LDB2: variants seen among roughly 807,000 people sequenced by gnomAD.
LDB2 encodes the protein LIM domain-binding protein 2.
LDB2 carries 12 observed loss-of-function variants against 44.3 expected under a neutral mutation model. That is an observed-to-expected ratio of 0.27 (90% confidence interval 0.17 to 0.44). LDB2 has a LOEUF of 0.44. LDB2 is among the 20% of genes least tolerant of loss of function. The probability of loss-of-function intolerance (pLI) is 1.00; values close to 1 mark genes in which losing one functional copy is unlikely to be tolerated. For synonymous variants in LDB2, 164 were observed against 174.8 expected (o/e 0.94, Z 0.49); for missense variants, 344 against 473.5 (o/e 0.73, Z 2.54).
intron 1 of LDB2, among the ~76,000 whole-genome samples, chr4:16,884,504 T>C (rs16894158): frequency 0.096 from 14,642 of 152,134 alleles, 2,056 homozygotes; most frequent in African/African-American, 0.31. Flanking sequence ...CTCAGCAGTG[T>C]CAAAATCTTC....
At chr4:16,691,923 C>T (rs1308089218) in intron 2 of LDB2, among the ~76,000 whole-genome samples, 1 of 152,140 alleles carries the variant, frequency 6.6e-6, no homozygotes, top group Non-Finnish European at 1.5e-5. Context: ...ATTTTATTTA[C>T]ATCTTTTCTC....
At chr4:16,681,519 A>G (rs1409627675) in intron 2 of LDB2, among the ~76,000 whole-genome samples, 1 of 152,148 alleles carries the variant, frequency 6.6e-6, no homozygotes, top group Non-Finnish European at 1.5e-5. Context: ...TAGGTGTTAC[A>G]TCAAACCATT....
intron 1 of LDB2, among the ~76,000 whole-genome samples, chr4:16,819,934 T>G (rs1191156561): frequency 1.3e-5 from 2 of 152,242 alleles, no homozygotes; most frequent in Non-Finnish European, 2.9e-5. Flanking sequence ...TTGGTCAGAA[T>G]GTGGGACCAA....
chr4:16,798,299 A>T (rs1400714175), intron 1 of LDB2, among the ~76,000 whole-genome samples: 1 of 152,178 alleles, frequency 6.6e-6, no homozygotes, highest in African/African-American at 2.4e-5. Flanking sequence ...ATAGGGAAAG[A>T]AGTGAGTTCA....
Position 16,734,707 on chromosome 4 carries a change from T to TC in LDB2, c.235+24450_235+24451insG, listed in dbSNP as rs1465967685. Among the ~76,000 whole-genome samples the TC allele has an allele frequency of 9.2e-4, 32 of 34,770 alleles. No homozygotes were observed. The East Asian group carries it at 0.014, about 15-fold the overall frequency. 22.8% of individuals were successfully genotyped at this position (34,770 alleles called of 152,430 possible). ...TGCTTCCCAACTTCTTGTTTTCTTT[T>TC]TTTTTTTTTTTTTTTTTTGAGATGG... On this transcript the variant is annotated intron_variant, in intron 2 of 7. Coordinates refer to ENST00000304523, the MANE Select transcript of LDB2 (RefSeq NM_001290.5).
intron 5 of LDB2, among the ~76,000 whole-genome samples, chr4:16,557,881 C>T (rs1010121518): frequency 2.0e-5 from 3 of 152,200 alleles, no homozygotes; most frequent in Non-Finnish European, 2.9e-5. Flanking sequence ...TCCAGAGGAA[C>T]GATCAGACAG....
chr4:16,652,331 T>C (rs930103658), intron 2 of LDB2, among the ~76,000 whole-genome samples: 2 of 152,202 alleles, frequency 1.3e-5, no homozygotes, highest in Non-Finnish European at 2.9e-5. Context: ...TAAAAAATCT[T>C]GATGAAACAA....
At chr4:16,541,736 C>T (rs1012505681) in intron 5 of LDB2, among the ~76,000 whole-genome samples, 2 of 152,104 alleles carry the variant, frequency 1.3e-5, no homozygotes, top group African/African-American at 4.8e-5. Flanking sequence ...ACAAGGATGA[C>T]CTTAAATCTC....
At chr4:16,746,762 G>A (rs1288612111) in intron 2 of LDB2, among the ~76,000 whole-genome samples, 1 of 152,150 alleles carries the variant, frequency 6.6e-6, no homozygotes, top group Non-Finnish European at 1.5e-5. Context: ...ATGCCAAGCT[G>A]GGCAACAGAG....
In LDB2 at chr4:16,838,570, T is replaced by C. The variant is rs549479091; in HGVS notation, c.132+59784A>G. ...TATTGGGATGTTAGCATGCTTCTTC[T>C]TGTCATGTACTTAAAAAAGGACACC... On this transcript the variant is annotated intron_variant, in intron 1 of 7. Transcript: ENST00000304523. Among the ~76,000 whole-genome samples, 4 of 152,290 alleles carry C rather than the reference T, an allele frequency of 2.6e-5. No individual in the cohort carries two copies. In the East Asian group the frequency reaches 7.7e-4, roughly 29 times the overall value.
intron 2 of LDB2, among the ~76,000 whole-genome samples, chr4:16,719,811 C>T (rs1048637987): frequency 2.0e-5 from 3 of 151,964 alleles, no homozygotes; most frequent in Non-Finnish European, 4.4e-5. Context: ...ATATGACTTG[C>T]CAGTAATTTT....
chr4:16,561,738 C>T (rs1742382278), intron 5 of LDB2, among the ~76,000 whole-genome samples: 2 of 152,082 alleles, frequency 1.3e-5, no homozygotes, highest in Admixed American at 6.5e-5. Flanking sequence ...TCACATGGAA[C>T]CAAAAAAGAG....
At chr4:16,821,154 G>A (rs889473839) in intron 1 of LDB2, among the ~76,000 whole-genome samples, 5 of 152,104 alleles carry the variant, frequency 3.3e-5, no homozygotes, top group South Asian at 2.1e-4. Flanking sequence ...ACCTTCTTCC[G>A]TGTTAAATTG....
intron 2 of LDB2, among the ~76,000 whole-genome samples, chr4:16,681,004 G>A (rs1165517359): frequency 1.3e-5 from 2 of 152,152 alleles, no homozygotes; most frequent in African/African-American, 2.4e-5. Flanking sequence ...CAGGACTACT[G>A]GCCCTTGGTT....
intron 1 of LDB2, among the ~76,000 whole-genome samples, chr4:16,862,559 G>A (rs991819004): frequency 1.4e-5 from 2 of 139,936 alleles, no homozygotes; most frequent in South Asian, 2.4e-4. Context: ...CTTGAACCCC[G>A]GAAGTGGAGG....
At chr4:16,527,896 A>T (rs545562626) in intron 5 of LDB2, among the ~76,000 whole-genome samples, 1 of 152,142 alleles carries the variant, frequency 6.6e-6, no homozygotes, top group African/African-American at 2.4e-5. Context: ...ATATCAAAGC[A>T]TCAAGTTGTG....
At chr4:16,629,782 G>A (rs1198983846) in intron 2 of LDB2, among the ~76,000 whole-genome samples, 3 of 152,072 alleles carry the variant, frequency 2.0e-5, no homozygotes, top group South Asian at 4.2e-4. Flanking sequence ...CAACAACTTC[G>A]TGAAGCATAC....
intron 2 of LDB2, among the ~76,000 whole-genome samples, chr4:16,676,984 G>T (rs1219294909): frequency 6.6e-6 from 1 of 152,220 alleles, no homozygotes; most frequent in African/African-American, 2.4e-5. Flanking sequence ...AACAAGTTGA[G>T]ATTGGATTCT....
In LDB2 at chr4:16,735,717, G is replaced by A. The variant is rs138436543; in HGVS notation, c.235+23441C>T. Among the ~76,000 whole-genome samples, 50 of 152,140 alleles carry A rather than the reference G, an allele frequency of 3.3e-4. 1 individual carries two copies. The highest frequency in any genetic ancestry group is 2.0e-3 in the Admixed American group (30 of 15,278). On this transcript the variant is annotated intron_variant, in intron 2 of 7. Coordinates refer to ENST00000304523, the MANE Select transcript of LDB2 (RefSeq NM_001290.5). Reference sequence around the variant, plus strand: ...TCTGGTATATTGTTTCAAAACCTACGACCTCAGTGTAATCACAAGTCTAAT... The same window carrying A: ...TCTGGTATATTGTTTCAAAACCTACAACCTCAGTGTAATCACAAGTCTAAT...
Sources: allele counts gnomAD v4.1 joint callset (sites outside exome capture counted in the v4.1 genomes callset), GRCh38; gene constraint gnomAD v4.1.1; transcripts MANE v1.5; gene names NCBI Gene and HGNC (gene_info 2026-07-23, HGNC 2026-07-21).